The following RERE variants were observed in gnomAD, a reference collection of about 807,000 sequenced individuals.
RERE encodes the protein arginine-glutamic acid dipeptide repeats.
Under a neutral mutation model 146.1 loss-of-function variants are expected in RERE, and 40 were observed. The ratio of observed to expected loss-of-function variants is 0.27; its 90% CI spans 0.21 to 0.36. The LOEUF is 0.36. Ranked by LOEUF, RERE falls within the 10% of genes least tolerant of loss-of-function variation. The pLI is 1.00. For missense variants in RERE, 1,933 were observed against 2,138.7 expected (o/e 0.90, Z 1.90); for synonymous variants, 1,003 against 866.0 (o/e 1.16, Z -2.78).
intron 12 of RERE, among the ~76,000 whole-genome samples, chr1:8,369,508 TAA>T (rs1186718390): frequency 0.01 from 791 of 76,844 alleles, 9 homozygotes; most frequent in Middle Eastern, 0.026. Context: ...CGCCTTTTAC[TAA>T]AAAAAAAAAA....
At chr1:8,523,743 A>G (rs1557671662) in intron 7 of RERE, among the ~76,000 whole-genome samples, 1 of 152,210 alleles carries the variant, frequency 6.6e-6, no homozygotes. Context: ...CACAGTCAGC[A>G]ACCACAAGTC....
chr1:8,432,978 A>C (rs1644115486), intron 11 of RERE, among the ~76,000 whole-genome samples: 5 of 152,238 alleles, frequency 3.3e-5, no homozygotes, highest in African/African-American at 9.6e-5. Context: ...TTTAAAGGAA[A>C]GTTTACATAT....
intron 7 of RERE, among the ~76,000 whole-genome samples, chr1:8,538,127 T>G (rs146341195): frequency 1.1e-4 from 17 of 152,328 alleles, no homozygotes; most frequent in Non-Finnish European, 2.2e-4. Flanking sequence ...GAATCACTAT[T>G]CCTTAAATTT....
At chr1:8,554,678 CA>C (rs386366172) in intron 6 of RERE, among the ~76,000 whole-genome samples, 1,320 of 100,698 alleles carry the variant, frequency 0.013, 28 homozygotes, top group African/African-American at 0.044. Context: ...GATCCTGTCT[CA>C]AAAAAAAAAA....
chr1:8,389,699 G>A (rs974322604), intron 12 of RERE, among the ~76,000 whole-genome samples: 1 of 152,204 alleles, frequency 6.6e-6, no homozygotes, highest in Non-Finnish European at 1.5e-5. Context: ...AGCCACCACG[G>A]AAGGTCGCAT....
chr1:8,579,637 CA>C (rs1187080276), intron 4 of RERE, among the ~76,000 whole-genome samples: 1 of 152,236 alleles, frequency 6.6e-6, no homozygotes, highest in Admixed American at 6.5e-5. Flanking sequence ...AACTATAACT[CA>C]AATCAGGCTC....
At chr1:8,654,682 A>G (rs1638227896) in intron 2 of RERE, among the ~76,000 whole-genome samples, 3 of 148,848 alleles carry the variant, frequency 2.0e-5, no homozygotes, top group Admixed American at 1.3e-4. Flanking sequence ...TGCCCAGGCT[A>G]GAAAGCAGTG....
chr1:8,444,537 C>T (rs77968907), intron 11 of RERE, among the ~76,000 whole-genome samples: 18 of 152,194 alleles, frequency 1.2e-4, no homozygotes, highest in African/African-American at 4.1e-4. Context: ...ATGTGGTTTG[C>T]GGGAAGCCAG....
intron 7 of RERE, among the ~76,000 whole-genome samples, chr1:8,525,558 C>G (rs1645559605): frequency 6.6e-6 from 1 of 152,246 alleles, no homozygotes; most frequent in Admixed American, 6.5e-5. Context: ...TCTATATCTG[C>G]TGAATGCCTC....
intron 7 of RERE, among the ~76,000 whole-genome samples, chr1:8,522,403 G>C (rs1337765218): frequency 6.6e-6 from 1 of 152,080 alleles, no homozygotes. Flanking sequence ...TGAATATGTT[G>C]AATAAATGAA....
chr1:8,478,231 C>T (rs756001178), intron 10 of RERE, among the ~76,000 whole-genome samples: 84 of 152,204 alleles, frequency 5.5e-4, no homozygotes, highest in Admixed American at 1.6e-3. Context: ...AGAGCTCAAA[C>T]TCTAACAGTT....
At chr1:8,486,797 A>G (rs1252686556) in intron 10 of RERE, among the ~76,000 whole-genome samples, 2 of 151,204 alleles carry the variant, frequency 1.3e-5, no homozygotes, top group African/African-American at 4.8e-5. Flanking sequence ...GAAAAAAAGC[A>G]CTTTCTATAT....
chr1:8,575,981 A>G (rs1352246669), intron 4 of RERE, among the ~76,000 whole-genome samples: 1 of 152,212 alleles, frequency 6.6e-6, no homozygotes, highest in Non-Finnish European at 1.5e-5. Flanking sequence ...ATAACTAAGT[A>G]TATAACCTAT....
chr1:8,388,317 C>CT lies in RERE; in HGVS notation c.1285-22344dup, dbSNP rs3996169. Reference sequence around the variant, plus strand: ...CCGGAGAGGAAACAGTCTGTGCAATCTTTTTTTTTTTTTGAGACGGAGTCT... The same window carrying CT: ...CCGGAGAGGAAACAGTCTGTGCAATCTTTTTTTTTTTTTTGAGACGGAGTCT... On this transcript the variant is annotated intron_variant, in intron 12 of 22. Coordinates refer to ENST00000400908, the MANE Select transcript of RERE (RefSeq NM_001042681.2). Among the ~76,000 whole-genome samples, 1,014 of 146,746 alleles carry CT rather than the reference C, an allele frequency of 6.9e-3. 21 individuals are homozygous for CT. Among genetic ancestry groups the CT allele is most frequent in the African/African-American group, 0.018 (701 of 40,000 alleles).
intron 1 of RERE, among the ~76,000 whole-genome samples, chr1:8,765,680 G>A (rs946874418): frequency 6.6e-5 from 10 of 152,118 alleles, no homozygotes; most frequent in African/African-American, 9.7e-5. Context: ...TATGCCAGGC[G>A]AGGTAGCTCA....
intron 7 of RERE, among the ~76,000 whole-genome samples, chr1:8,516,510 C>T (rs181801401): frequency 1.1e-3 from 165 of 152,138 alleles, no homozygotes; most frequent in African/African-American, 3.9e-3. Flanking sequence ...ATCTTACAGG[C>T]GACCCTGTAA....
chr1:8,543,786 C>A (rs1191046300), intron 6 of RERE, among the ~76,000 whole-genome samples: 3 of 152,140 alleles, frequency 2.0e-5, no homozygotes, highest in Admixed American at 6.5e-5. Flanking sequence ...GAAGAAACTA[C>A]TGGCTTACAG....
chr1:8,687,691 C>G (rs143745548), intron 1 of RERE, among the ~76,000 whole-genome samples: 258 of 152,246 alleles, frequency 1.7e-3, no homozygotes, highest in African/African-American at 6.0e-3. Context: ...ATTTTCACAC[C>G]ATATTCATAA....
intron 7 of RERE, among the ~76,000 whole-genome samples, chr1:8,527,717 C>T (rs537667431): frequency 9.5e-4 from 144 of 152,310 alleles, no homozygotes; most frequent in African/African-American, 3.4e-3. Context: ...TCTTCATTGT[C>T]TTTCCTGGTG....
Sources: allele counts gnomAD v4.1 joint callset (sites outside exome capture counted in the v4.1 genomes callset), GRCh38; gene constraint gnomAD v4.1.1; transcripts MANE v1.5; gene names NCBI Gene and HGNC (gene_info 2026-07-23, HGNC 2026-07-21).